The following MBD5 variants were observed in gnomAD, a reference collection of about 807,000 sequenced individuals.
The protein encoded by MBD5 is methyl-CpG-binding domain protein 5.
A neutral mutation model predicts 117.3 loss-of-function variants in MBD5; 13 were observed. The ratio of observed to expected loss-of-function variants is 0.11; its 90% confidence interval spans 0.07 to 0.18. The LOEUF is 0.18. Ranked by LOEUF, MBD5 falls within the 10% of genes least tolerant of loss-of-function variation. The pLI is 1.00. For missense variants in MBD5, 1,879 were observed against 2,093.8 expected (o/e 0.90, Z 2.00); for synonymous variants, 727 against 766.4 (o/e 0.95, Z 0.85).
At chr2:148,405,583 C>T (rs571472436) in intron 4 of MBD5, among the ~76,000 whole-genome samples, 63 of 152,246 alleles carry the variant, frequency 4.1e-4, no homozygotes, top group African/African-American at 1.5e-3. Flanking sequence ...AGGAGTGCTG[C>T]AAAGTTAGGT....
intron 4 of MBD5, among the ~76,000 whole-genome samples, chr2:148,344,883 G>GA (rs1475798020): frequency 7.9e-5 from 12 of 151,870 alleles, no homozygotes; most frequent in Middle Eastern, 3.4e-3. Flanking sequence ...CATATCTGAT[G>GA]ATTTTTTAAG....
intron 1 of MBD5, among the ~76,000 whole-genome samples, chr2:148,090,538 A>C (rs1695911440): frequency 6.6e-6 from 1 of 152,170 alleles, no homozygotes; most frequent in South Asian, 2.1e-4. Flanking sequence ...ATGGTTTAAC[A>C]TACTGCAAGT....
intron 2 of MBD5, among the ~76,000 whole-genome samples, chr2:148,222,188 A>G (rs1699702978): frequency 6.6e-6 from 1 of 152,110 alleles, no homozygotes; most frequent in Admixed American, 6.5e-5. Flanking sequence ...GAAGTCAGGT[A>G]ATGTGATTTT....
At chr2:148,338,562 A>G (rs565257754) in intron 3 of MBD5, among the ~76,000 whole-genome samples, 1 of 152,332 alleles carries the variant, frequency 6.6e-6, no homozygotes, top group Admixed American at 6.5e-5. Flanking sequence ...TCTCTCAAAG[A>G]TTCAGGAAAG....
At chr2:148,496,097 C>G (rs1489459961) in intron 11 of MBD5, among the ~76,000 whole-genome samples, 2 of 152,194 alleles carry the variant, frequency 1.3e-5, no homozygotes, top group Non-Finnish European at 2.9e-5. Flanking sequence ...TTGGTGTATT[C>G]ACTTTGCCTT....
chr2:148,354,399 A>G (rs1421120192), intron 4 of MBD5, among the ~76,000 whole-genome samples: 1 of 152,070 alleles, frequency 6.6e-6, no homozygotes, highest in African/African-American at 2.4e-5. Flanking sequence ...GTTTGCTGAG[A>G]ATGATGGCTT....
At chr2:148,464,413 C>A (rs1707193865) in intron 7 of MBD5, among the ~76,000 whole-genome samples, 1 of 152,056 alleles carries the variant, frequency 6.6e-6, no homozygotes. Flanking sequence ...TTCAAAGCTG[C>A]AGAAAAGTTG....
At chr2:148,507,037 A>C (rs971989141) in intron 12 of MBD5, among the ~76,000 whole-genome samples, 1 of 152,128 alleles carries the variant, frequency 6.6e-6, no homozygotes, top group Non-Finnish European at 1.5e-5. Flanking sequence ...CATGCCCCAC[A>C]TCTATGTATT....
At chr2:148,485,569 AT>A in intron 9 of MBD5, 172 bp from the exon 10 acceptor site, 1 of 611,862 alleles carries the variant, frequency 1.6e-6, no homozygotes, top group East Asian at 2.8e-5. Flanking sequence ...AAACTAAATA[AT>A]AAAGCTACTC....
intron 3 of MBD5, among the ~76,000 whole-genome samples, chr2:148,243,101 G>C (rs1173773013): frequency 6.6e-6 from 1 of 151,320 alleles, no homozygotes; most frequent in Admixed American, 6.6e-5. Flanking sequence ...CTAATGCATA[G>C]CATGAATTGC....
At position 148,490,267 on chromosome 2, in the gene MBD5, G is replaced by T. The variant is rs1405632774; in HGVS notation, c.4635G>T (p.Leu1545=). The T allele has an allele frequency of 6.2e-7, 1 of 1,614,178 alleles. No homozygotes were observed. The highest frequency in any genetic ancestry group is 8.5e-7 in the Non-Finnish European group (1 of 1,180,032). ...TGCTAAGCACTGCAAAGCAAGACCT[G>T]GTCCTAGAGGAGCAGTCTCCAAGTT... ...GELLSTAKQD[L]VLEEQSPSSS... The change falls in exon 11 of 14, where the codon CTG becomes CTT. Residue 1545 remains leucine, a synonymous_variant. Transcript: ENST00000642680.
intron 4 of MBD5, among the ~76,000 whole-genome samples, chr2:148,384,130 G>T (rs1401287618): frequency 1.3e-5 from 2 of 152,076 alleles, no homozygotes; most frequent in African/African-American, 4.8e-5. Context: ...GCAGGAGAAG[G>T]AAATAAAGGG....
At chr2:148,242,630 G>A (rs1409980546) in intron 3 of MBD5, among the ~76,000 whole-genome samples, 1 of 152,136 alleles carries the variant, frequency 6.6e-6, no homozygotes, top group Non-Finnish European at 1.5e-5. Context: ...AATTTCCAGT[G>A]AGAAACCAGG....
chr2:148,276,566 A>G (rs1701118622), intron 3 of MBD5, among the ~76,000 whole-genome samples: 1 of 152,208 alleles, frequency 6.6e-6, no homozygotes, highest in African/African-American at 2.4e-5. Context: ...ATTCATTTAC[A>G]TTATTTAAAA....
intron 11 of MBD5, among the ~76,000 whole-genome samples, chr2:148,496,124 G>A (rs1260794106): frequency 6.6e-6 from 1 of 152,144 alleles, no homozygotes; most frequent in Non-Finnish European, 1.5e-5. Flanking sequence ...TTTCTTAACC[G>A]CTGTTGGAAA....
intron 2 of MBD5, among the ~76,000 whole-genome samples, chr2:148,210,362 T>C (rs1393305265): frequency 2.6e-5 from 4 of 152,136 alleles, no homozygotes; most frequent in Admixed American, 1.3e-4. Flanking sequence ...TTTTTTTGAA[T>C]ACCTCAAACA....
At chr2:148,444,227 T>A (rs1266379863) in intron 4 of MBD5, among the ~76,000 whole-genome samples, 1 of 151,474 alleles carries the variant, frequency 6.6e-6, no homozygotes, top group Non-Finnish European at 1.5e-5. Flanking sequence ...TACTTTTCAG[T>A]GGTTTTAAAC....
At chr2:148,147,189 A>G (rs1558945615) in intron 1 of MBD5, among the ~76,000 whole-genome samples, 1 of 151,676 alleles carries the variant, frequency 6.6e-6, no homozygotes, top group Non-Finnish European at 1.5e-5. Flanking sequence ...CTTTTTGCAT[A>G]TATCATAATT....
chr2:148,082,188 C>T (rs543916119), intron 1 of MBD5, among the ~76,000 whole-genome samples: 2 of 152,306 alleles, frequency 1.3e-5, no homozygotes, highest in South Asian at 4.1e-4. Context: ...CACCTTTCCA[C>T]AATTTTAGGC....
Sources: gnomAD v4.1 joint callset for allele counts (sites outside exome capture counted in the v4.1 genomes callset) on GRCh38, gnomAD v4.1.1 for gene constraint, MANE v1.5 for transcripts, NCBI Gene and HGNC (gene_info 2026-07-23, HGNC 2026-07-21) for gene names.